DHRS4L2: variants seen among roughly 807,000 people sequenced by gnomAD.
DHRS4L2 encodes dehydrogenase/reductase SDR family member 4-like 2.
A neutral mutation model predicts 23.9 loss-of-function variants in DHRS4L2; 22 were observed. The observed-to-expected ratio is 0.92, with a 90% CI of 0.66 to 1.31. The LOEUF is 1.31. Among genes scored for constraint, DHRS4L2 ranks in the 40% most tolerant of loss-of-function variants. The pLI, the probability that DHRS4L2 is intolerant of heterozygous loss-of-function variation, is 0.00. For missense variants in DHRS4L2, 385 were observed against 303.3 expected, an observed-to-expected ratio of 1.27 and a Z score of -2.00; for synonymous variants, 141 against 123.7, an observed-to-expected ratio of 1.14 and a Z score of -0.93.
chr14:23,980,935 C>G (rs140758407), intron 1 of DHRS4L2, among the ~76,000 whole-genome samples: 2,022 of 151,268 alleles, frequency 0.013, 40 homozygotes, highest in African/African-American at 0.044. Flanking sequence ...ATTCAACATA[C>G]TATTGGAAGT....
At position 23,972,202 on chromosome 14, in the gene DHRS4L2, T is replaced by C. The variant is rs192185163; in HGVS notation, c.-176+1870T>C. On this transcript the variant is annotated intron_variant, in intron 1 of 5. Transcript: ENST00000534993. ...GGACCCTCGCGGTGAGTGTTACAGT[T>C]CTTAAAGGCAGCGTGTCTGGAGTTT... 6.4e-4 allele frequency among the ~76,000 whole-genome samples: 98 copies of C among 152,156 alleles called. 1 individual carries two copies. Among genetic ancestry groups the C allele is most frequent in the Middle Eastern group, 6.8e-3 (2 of 294 alleles).
At chr14:23,982,792 C>CA (rs112477717) in intron 1 of DHRS4L2, among the ~76,000 whole-genome samples, 139 of 151,544 alleles carry the variant, frequency 9.2e-4, no homozygotes, top group Middle Eastern at 3.4e-3. Flanking sequence ...ACACCTTATA[C>CA]AAAAAAACTG....
chr14:23,999,106 C>T lies in DHRS4L2; in HGVS notation c.409-1757C>T. Among the ~76,000 whole-genome samples, 2 of 145,166 alleles carry T rather than the reference C, an allele frequency of 1.4e-5. 1 individual carries two copies. The highest frequency in any genetic ancestry group is 3.0e-5 in the Non-Finnish European group (2 of 66,674). On this transcript the variant is annotated intron_variant, in intron 3 of 7. Coordinates refer to ENST00000335125, the MANE Select transcript of DHRS4L2 (RefSeq NM_198083.4). Reference sequence around the variant, plus strand: ...AGAGAAGGGCAGAGCAGTCAGAACACACAACATTTTTCAATTAAGTTGACC... The same window carrying T: ...AGAGAAGGGCAGAGCAGTCAGAACATACAACATTTTTCAATTAAGTTGACC...
At chr14:24,000,500 T>C (rs1293374649) in intron 3 of DHRS4L2, among the ~76,000 whole-genome samples, 2 of 152,014 alleles carry the variant, frequency 1.3e-5, no homozygotes, top group Admixed American at 6.5e-5. Context: ...CATGGCCTAC[T>C]CTAGGGCAGG....
chr14:23,981,014 A>C (rs1395498873), intron 1 of DHRS4L2, among the ~76,000 whole-genome samples: 2 of 151,726 alleles, frequency 1.3e-5, no homozygotes, highest in Non-Finnish European at 2.9e-5. Flanking sequence ...AGGAAGTCAA[A>C]TTGTCTCTGT....
In DHRS4L2 at chr14:23,995,145, T is replaced by C. The variant is rs768704749; in HGVS notation, c.408+12T>C. ...AGGTGTGGGACAAGGTGAGAGGGGA[T>C]TAAAGAAGCGCGGAAGGGGGCCTCG... On this transcript the variant is annotated intron_variant, in intron 3 of 7. Transcript: ENST00000335125. The C allele has an allele frequency of 2.5e-6, 4 of 1,612,204 alleles. No individual in the cohort carries two copies. Among genetic ancestry groups the C allele is most frequent in the Admixed American group, 1.7e-5 (1 of 59,976 alleles).
chr14:23,995,380 C>G (rs1001216795), intron 3 of DHRS4L2, among the ~76,000 whole-genome samples: 13 of 151,728 alleles, frequency 8.6e-5, no homozygotes, highest in Admixed American at 7.2e-4. Context: ...TGCTCCCCTC[C>G]CCAGGCTTCT....
Position 23,998,570 on chromosome 14 carries a change from T to C in DHRS4L2, c.409-2293T>C, listed in dbSNP as rs2034427352. ...GCACTCGCTGCTTCATCTTGCACTT[T>C]TATGTTACAGAGGTGGCTTCTTAAA... On this transcript the variant is annotated intron_variant, in intron 3 of 7. Transcript: ENST00000335125. Among the ~76,000 whole-genome samples, 3 of 151,178 alleles carry C rather than the reference T, an allele frequency of 2.0e-5. 1 individual carries two copies. Among genetic ancestry groups the C allele is most frequent in the Non-Finnish European group, 4.4e-5 (3 of 67,712 alleles).
chr14:23,983,902 G>C (rs183303411), upstream of DHRS4L2, among the ~76,000 whole-genome samples: 1 of 151,678 alleles, frequency 6.6e-6, no homozygotes, highest in East Asian at 1.9e-4. Flanking sequence ...GGCTGGGGAA[G>C]GGATAGCATT....
At chr14:23,973,337 G>C (rs149121772) in intron 1 of DHRS4L2, among the ~76,000 whole-genome samples, 5 of 151,854 alleles carry the variant, frequency 3.3e-5, no homozygotes, top group Non-Finnish European at 7.4e-5. Context: ...CAAGTGCTGC[G>C]CACAGCCCCA....
At chr14:23,987,420 G>A (rs768812525), upstream of DHRS4L2, 9 of 179,192 alleles carry the variant, frequency 5.0e-5, 1 homozygote, top group East Asian at 1.9e-4. Context: ...GAGCCACCAC[G>A]CCCAGCTGAA....
Position 24,006,313 on chromosome 14 carries a change from A to G in DHRS4L2, c.*450A>G, listed in dbSNP as rs2034579619. On this transcript the variant is annotated 3_prime_UTR_variant, in exon 8 of 8. Transcript: ENST00000335125. ...TGGGGAATCTGAGGGGTGATGGGAG[A>G]GAAGGAACCTGGAGTGGAAGGAGCA... 2.8e-6 allele frequency: 1 copy of G among 351,124 alleles called. No individual in the cohort carries two copies. Among genetic ancestry groups the G allele is most frequent in the Non-Finnish European group, 5.2e-6 (1 of 193,804 alleles). 21.8% of individuals were successfully genotyped at this position (351,124 alleles called of 1,614,324 possible).
upstream of DHRS4L2, among the ~76,000 whole-genome samples, chr14:23,986,038 A>G (rs888924639): frequency 6.6e-6 from 1 of 151,306 alleles, no homozygotes; most frequent in African/African-American, 2.4e-5. Context: ...TTTTATTTTC[A>G]GTAGAGACGA....
chr14:23,990,220 G>A lies in DHRS4L2; in HGVS notation c.167G>A (p.Arg56Lys). 6.2e-7 allele frequency: 1 copy of A among 1,612,836 alleles called. No individual in the cohort carries two copies. Among genetic ancestry groups the A allele is most frequent in the Non-Finnish European group, 8.5e-7 (1 of 1,179,354 alleles). ...FAIARRLAQD[R>K]AHVVVSSRKQ... ...ATCGCCCGGCGTTTGGCCCAGGACAGGGCCCACGTGGTCGTCAGCAGCCGG... is the reference window on the plus strand; with the variant it reads ...ATCGCCCGGCGTTTGGCCCAGGACAAGGCCCACGTGGTCGTCAGCAGCCGG... Residue 56 changes from arginine (R) to lysine (K), a missense_variant, in exon 2 of 8, where the codon AGG becomes AAG. Coordinates refer to ENST00000335125, the MANE Select transcript of DHRS4L2 (RefSeq NM_198083.4).
At chr14:23,995,381 C>A (rs10151272) in intron 3 of DHRS4L2, among the ~76,000 whole-genome samples, 18,687 of 151,600 alleles carry the variant, frequency 0.12, 1,529 homozygotes, top group East Asian at 0.28. Context: ...GCTCCCCTCC[C>A]CAGGCTTCTT....
chr14:23,977,932 A>T (rs187615643), intron 1 of DHRS4L2, among the ~76,000 whole-genome samples: 4 of 151,728 alleles, frequency 2.6e-5, no homozygotes, highest in Admixed American at 2.6e-4. Flanking sequence ...TTGTACAAAT[A>T]ATGTTATAAT....
At chr14:24,004,311 T>TA in intron 6 of DHRS4L2, 26 bp from the exon 7 acceptor site, 3 of 1,447,240 alleles carry the variant, frequency 2.1e-6, no homozygotes, top group South Asian at 2.9e-5. Flanking sequence ...AAAAAAAACA[T>TA]AAAGAGATTT....
chr14:23,985,855 C>T (rs2034130986), upstream of DHRS4L2, among the ~76,000 whole-genome samples: 1 of 151,486 alleles, frequency 6.6e-6, no homozygotes, highest in South Asian at 2.1e-4. Context: ...GCTGGGATTA[C>T]AGGCACATGC....
upstream of DHRS4L2, chr14:23,988,795 C>A: frequency 7.1e-7 from 1 of 1,400,312 alleles, no homozygotes. Flanking sequence ...GACTGGCGGG[C>A]GGCGGGAGGC....
Sources: gnomAD v4.1 joint callset for allele counts (sites outside exome capture counted in the v4.1 genomes callset) on GRCh38, gnomAD v4.1.1 for gene constraint, MANE v1.5 for transcripts, NCBI Gene and HGNC (gene_info 2026-07-23, HGNC 2026-07-21) for gene names.